Variants in GABRG3 observed in about 807,000 individuals in gnomAD.
GABRG3 encodes the protein gamma-aminobutyric acid receptor subunit gamma-3.
In GABRG3, 25 loss-of-function variants were observed where a neutral mutation model predicts 48.8. The observed-to-expected ratio is 0.51, with a 90% CI of 0.37 to 0.72. The LOEUF is 0.72. GABRG3 is among the 30% of genes least tolerant of loss of function. GABRG3 has a pLI of 0.00. For missense variants in GABRG3, 394 were observed against 577.9 expected, an observed-to-expected ratio of 0.68 and a Z score of 3.26; for synonymous variants, 227 against 217.6, an observed-to-expected ratio of 1.04 and a Z score of -0.38.
chr15:27,297,360 A>G (rs999973890), intron 3 of GABRG3, among the ~76,000 whole-genome samples: 1 of 152,194 alleles, frequency 6.6e-6, no homozygotes, highest in East Asian at 1.9e-4. Context: ...TGGCCTTCAC[A>G]TTCACTCAGC....
chr15:27,408,131 A>C (rs570762560), intron 5 of GABRG3, among the ~76,000 whole-genome samples: 68 of 152,332 alleles, frequency 4.5e-4, no homozygotes, highest in African/African-American at 1.6e-3. Context: ...TTAAAAAAAA[A>C]TCACAGACTA....
chr15:27,392,456 T>C (rs1299224355), intron 5 of GABRG3, among the ~76,000 whole-genome samples: 1 of 152,184 alleles, frequency 6.6e-6, no homozygotes, highest in Non-Finnish European at 1.5e-5. Context: ...TTATGCGTTT[T>C]TGAGAGGAAG....
At chr15:27,492,034 A>G (rs1002799715) in intron 6 of GABRG3, among the ~76,000 whole-genome samples, 3 of 152,162 alleles carry the variant, frequency 2.0e-5, no homozygotes, top group African/African-American at 7.2e-5. Context: ...GGTCTTTCAT[A>G]CCAAAAGCCT....
chr15:27,104,239 A>G (rs550297546), intron 3 of GABRG3, among the ~76,000 whole-genome samples: 1 of 152,334 alleles, frequency 6.6e-6, no homozygotes, highest in African/African-American at 2.4e-5. Context: ...TTTTATTTCT[A>G]TATCACGTTT....
At chr15:27,032,347 C>T (rs1896101035) in intron 3 of GABRG3, among the ~76,000 whole-genome samples, 2 of 152,168 alleles carry the variant, frequency 1.3e-5, no homozygotes, top group African/African-American at 4.8e-5. Context: ...TGTTTTCTTG[C>T]TTCTTTCTAT....
intron 2 of GABRG3, among the ~76,000 whole-genome samples, chr15:27,018,629 G>A (rs1209303524): frequency 6.6e-6 from 1 of 152,132 alleles, no homozygotes; most frequent in Non-Finnish European, 1.5e-5. Context: ...AATGGAAATG[G>A]AATTAGCTGT....
intron 3 of GABRG3, among the ~76,000 whole-genome samples, chr15:27,285,497 G>C (rs1481260551): frequency 6.6e-6 from 1 of 152,078 alleles, no homozygotes; most frequent in African/African-American, 2.4e-5. Flanking sequence ...CATTTTTTAA[G>C]TATCTGAAAT....
chr15:27,117,841 C>T (rs1050513736), intron 3 of GABRG3, among the ~76,000 whole-genome samples: 8 of 152,184 alleles, frequency 5.3e-5, no homozygotes, highest in Admixed American at 3.3e-4. Context: ...TGTGCTTATA[C>T]ATTGGCTCTT....
intron 5 of GABRG3, among the ~76,000 whole-genome samples, chr15:27,429,178 A>G (rs538464605): frequency 6.6e-6 from 1 of 152,186 alleles, no homozygotes; most frequent in East Asian, 1.9e-4. Flanking sequence ...CAACTGTTGT[A>G]TGTGTTGTAT....
rs1171551505 is a variant in GABRG3 at position 27,419,640 on chromosome 15, G to A, written c.575-61010G>A. ...GTAGCCAAATCATGAACACCACATG[G>A]GCAGCTTTGTCCACTTAAACATAAA... On this transcript the variant is annotated intron_variant, in intron 5 of 9. Coordinates refer to ENST00000615808, the MANE Select transcript of GABRG3 (RefSeq NM_033223.5). Among the ~76,000 whole-genome samples, 5 of 152,070 alleles carry A rather than the reference G, an allele frequency of 3.3e-5. No homozygotes were observed. In the East Asian group the frequency reaches 9.6e-4, roughly 29 times the overall value.
At chr15:27,300,239 C>T (rs566568836) in intron 3 of GABRG3, among the ~76,000 whole-genome samples, 91 of 152,280 alleles carry the variant, frequency 6.0e-4, no homozygotes, top group Non-Finnish European at 1.1e-3. Context: ...GTGAAGAATA[C>T]AATCCAAAAT....
chr15:27,000,376 T>TG (rs1895420800), intron 2 of GABRG3, among the ~76,000 whole-genome samples: 1 of 152,336 alleles, frequency 6.6e-6, no homozygotes, highest in African/African-American at 2.4e-5. Context: ...TGGCAGACTC[T>TG]AGGGCTAATT....
intron 5 of GABRG3, among the ~76,000 whole-genome samples, chr15:27,347,979 G>A (rs138520510): frequency 1.4e-3 from 212 of 152,096 alleles, no homozygotes; most frequent in African/African-American, 4.8e-3. Flanking sequence ...TTGTAAGGAT[G>A]AGTGTGACAA....
intron 5 of GABRG3, among the ~76,000 whole-genome samples, chr15:27,349,544 C>G (rs1177760214): frequency 6.6e-6 from 1 of 152,184 alleles, no homozygotes; most frequent in African/African-American, 2.4e-5. Flanking sequence ...TCCTTGGCTT[C>G]CACTCTCAAT....
At chr15:27,418,849 AT>A (rs780326164) in intron 5 of GABRG3, 3 of 151,780 alleles carry the variant, frequency 2.0e-5, no homozygotes, top group South Asian at 2.1e-4. Context: ...TTTAAAAAAA[AT>A]AAAACTATTT....
At chr15:27,503,426 T>C (rs1890689804) in intron 6 of GABRG3, among the ~76,000 whole-genome samples, 1 of 152,208 alleles carries the variant, frequency 6.6e-6, no homozygotes, top group Non-Finnish European at 1.5e-5. Flanking sequence ...ACACCCTCTT[T>C]AACTCTCTGC....
intron 2 of GABRG3, among the ~76,000 whole-genome samples, chr15:27,012,021 T>G (rs1028531138): frequency 6.6e-6 from 1 of 152,192 alleles, no homozygotes; most frequent in Non-Finnish European, 1.5e-5. Flanking sequence ...TTGTTCCTTC[T>G]TGTAGATCCA....
chr15:27,287,569 T>C (rs8037609), intron 3 of GABRG3, among the ~76,000 whole-genome samples: 15,272 of 152,108 alleles, frequency 0.1, 2,541 homozygotes, highest in African/African-American at 0.35. Context: ...TATACCATTT[T>C]AACTAAATAT....
rs374930387 is a variant in GABRG3 at position 27,328,776 on chromosome 15, G to A, written c.492-30G>A. On this transcript the variant is annotated intron_variant, in intron 4 of 9. Transcript: ENST00000615808. ...CCGGCCTTGCCCTGTGCTGTGTGCT[G>A]AGCTAGACTGACACTTGGCTTTTTC... is the stretch of plus-strand genomic sequence containing the variant. 50 of 1,606,100 alleles carry A rather than the reference G, an allele frequency of 3.1e-5. No homozygotes were observed. The African/African-American group carries it at 6.3e-4, about 20-fold the overall frequency.
Sources: gnomAD v4.1 joint callset for allele counts (sites outside exome capture counted in the v4.1 genomes callset) on GRCh38, gnomAD v4.1.1 for gene constraint, MANE v1.5 for transcripts, NCBI Gene and HGNC (gene_info 2026-07-23, HGNC 2026-07-21) for gene names.